The following SUFU variants were observed in gnomAD, a reference collection of about 807,000 sequenced individuals.
The protein encoded by SUFU is SUFU negative regulator of hedgehog signaling.
A neutral mutation model predicts 58.9 loss-of-function variants in SUFU; 7 were observed. The ratio of observed to expected loss-of-function variants is 0.12; its 90% CI spans 0.07 to 0.22. SUFU has a LOEUF of 0.22. SUFU is among the 10% of genes least tolerant of loss of function. SUFU has a pLI of 1.00. For synonymous variants in SUFU, 232 were observed against 254.8 expected, an observed-to-expected ratio of 0.91 and a Z score of 0.85; for missense variants, 451 against 641.3, an observed-to-expected ratio of 0.70 and a Z score of 3.20.
In SUFU at chr10:102,504,136, C is replaced by T. The variant is rs924777892; in HGVS notation, c.-17C>T. The T allele has an allele frequency of 1.3e-6, 2 of 1,537,646 alleles. No homozygotes were observed. On this transcript the variant is annotated 5_prime_UTR_variant, in exon 1 of 12. Coordinates refer to ENST00000369902, the MANE Select transcript of SUFU (RefSeq NM_016169.4). ...TTGCCCTCTCCAGTTCCCCCAGTGCCTGCCCTACGCACCCCGATGGCGGAG... is the reference window on the plus strand; with the variant it reads ...TTGCCCTCTCCAGTTCCCCCAGTGCTTGCCCTACGCACCCCGATGGCGGAG...
At position 102,533,300 on chromosome 10, in the gene SUFU, G is replaced by A. The variant is rs188437494; in HGVS notation, c.318-16670G>A. On this transcript the variant is annotated intron_variant, in intron 2 of 11. Coordinates refer to ENST00000369902, the MANE Select transcript of SUFU (RefSeq NM_016169.4). The stretch of plus-strand genomic sequence containing the variant: ...AAAATCAAGGTGCCAGGCTGGGTGC[G>A]GTGGCTCACACCTGTAATCCCAGCA... Among the ~76,000 whole-genome samples, 518 of 152,108 alleles carry A rather than the reference G, an allele frequency of 3.4e-3. 1 individual carries two copies. The highest frequency in any genetic ancestry group is 0.011 in the African/African-American group (459 of 41,474).
chr10:102,630,311 A>G lies in SUFU; in HGVS notation c.*156A>G. The G allele has an allele frequency of 1.4e-6, 1 of 692,938 alleles. No individual in the cohort carries two copies. The highest frequency in any genetic ancestry group is 2.5e-6 in the Non-Finnish European group (1 of 396,012). 42.9% of individuals were successfully genotyped at this position (692,938 alleles called of 1,614,324 possible). On this transcript the variant is annotated 3_prime_UTR_variant, in exon 12 of 12. Transcript: ENST00000369902. ...CGCAGCCCAGTGGGGTGCCATGCACAGGCCACAGGCCCTCCACCTCACCTC... is the reference window on the plus strand; with the variant it reads ...CGCAGCCCAGTGGGGTGCCATGCACGGGCCACAGGCCCTCCACCTCACCTC...
At chr10:102,576,956 C>T (rs2063217878) in intron 3 of SUFU, among the ~76,000 whole-genome samples, 1 of 152,136 alleles carries the variant, frequency 6.6e-6, no homozygotes, top group East Asian at 1.9e-4. Flanking sequence ...AGCGACCTTC[C>T]TGCCTCAGCT....
At chr10:102,586,531 G>A (rs1264662430) in intron 3 of SUFU, among the ~76,000 whole-genome samples, 1 of 151,984 alleles carries the variant, frequency 6.6e-6, no homozygotes, top group Non-Finnish European at 1.5e-5. Context: ...AAATTAGCCG[G>A]GCATGGTGGC....
At chr10:102,580,037 C>CCCT in intron 3 of SUFU, among the ~76,000 whole-genome samples, 1 of 138,266 alleles carries the variant, frequency 7.2e-6, no homozygotes, top group African/African-American at 2.6e-5. Context: ...GCACCCCCCC[C>CCCT]CCGCCCCCAG....
At chr10:102,528,495 A>C (rs11191318) in intron 2 of SUFU, among the ~76,000 whole-genome samples, 3,058 of 152,254 alleles carry the variant, frequency 0.02, 49 homozygotes, top group Non-Finnish European at 0.031. Context: ...ACTTGAGCCC[A>C]GGAGATCAAG....
At chr10:102,518,782 A>G (rs2062507061) in intron 2 of SUFU, among the ~76,000 whole-genome samples, 1 of 151,852 alleles carries the variant, frequency 6.6e-6, no homozygotes, top group South Asian at 2.1e-4. Context: ...CATGAGCTCA[A>G]GCCATCCCAA....
chr10:102,576,477 A>C (rs1443491080), intron 3 of SUFU, among the ~76,000 whole-genome samples: 2 of 152,096 alleles, frequency 1.3e-5, no homozygotes, highest in East Asian at 3.8e-4. Flanking sequence ...TAATTTAACT[A>C]TTCCCCTGGT....
chr10:102,549,170 C>T (rs909545511), intron 2 of SUFU, among the ~76,000 whole-genome samples: 5 of 152,164 alleles, frequency 3.3e-5, no homozygotes, highest in Non-Finnish European at 7.4e-5. Flanking sequence ...GAAAGGGTCT[C>T]ATCCTCACAG....
In SUFU at chr10:102,630,861, G is replaced by T. The variant is rs1590095895; in HGVS notation, c.*706G>T. 3 of 236,474 alleles carry T rather than the reference G, an allele frequency of 1.3e-5. No homozygotes were observed. In the East Asian group the frequency reaches 1.8e-4, roughly 14 times the overall value. 14.6% of individuals were successfully genotyped at this position (236,474 alleles called of 1,614,324 possible). On this transcript the variant is annotated 3_prime_UTR_variant, in exon 12 of 12. Coordinates refer to ENST00000369902, the MANE Select transcript of SUFU (RefSeq NM_016169.4). Reference sequence around the variant, plus strand: ...CCAGCCCAGAGCCCTGGAGGAGCCGGCTGCACAGAGAGGCTTTTCTTCCCA... The same window carrying T: ...CCAGCCCAGAGCCCTGGAGGAGCCGTCTGCACAGAGAGGCTTTTCTTCCCA...
At chr10:102,528,876 A>G (rs2062642786) in intron 2 of SUFU, among the ~76,000 whole-genome samples, 1 of 152,110 alleles carries the variant, frequency 6.6e-6, no homozygotes, top group African/African-American at 2.4e-5. Context: ...TTGCAACTCA[A>G]AGGTGGCTGC....
rs1482809177 is a variant in SUFU, at chr10:102,568,937, T to TACACAC, written c.454+18832_454+18833insCACACA. Among the ~76,000 whole-genome samples, 116 of 33,296 alleles carry TACACAC rather than the reference T, an allele frequency of 3.5e-3. 3 individuals are homozygous for TACACAC. The highest frequency in any genetic ancestry group is 5.0e-3 in the Non-Finnish European group (84 of 16,664). The allele number at this position is 33,296 out of a possible 152,430, so 21.8% of individuals were successfully genotyped here. A position where few individuals can be genotyped will look rare whatever the true frequency, so the allele number is the denominator to read the frequency against. The stretch of plus-strand genomic sequence containing the variant: ...ATATATATACACATATATATATATA[T>TACACAC]ATATATATATATATATATATATATA... On this transcript the variant is annotated intron_variant, in intron 3 of 11. Coordinates refer to ENST00000369902, the MANE Select transcript of SUFU (RefSeq NM_016169.4).
chr10:102,537,016 G>T (rs971839053), intron 2 of SUFU, among the ~76,000 whole-genome samples: 1 of 152,010 alleles, frequency 6.6e-6, no homozygotes, highest in Non-Finnish European at 1.5e-5. Context: ...TCACTGTGTT[G>T]GCCAGGCTGG....
intron 2 of SUFU, among the ~76,000 whole-genome samples, chr10:102,517,561 G>C (rs2062487051): frequency 6.6e-6 from 1 of 152,078 alleles, no homozygotes; most frequent in East Asian, 1.9e-4. Context: ...TCATGTCCTG[G>C]GTCTGAGTTT....
rs1381473079 is a variant in SUFU at position 102,625,049 on chromosome 10, G to A, written c.1297-2126G>A. Among the ~76,000 whole-genome samples, 1 of 152,214 alleles carries A rather than the reference G, an allele frequency of 6.6e-6. No homozygotes were observed. Among genetic ancestry groups the A allele is most frequent in the Non-Finnish European group, 1.5e-5 (1 of 68,044 alleles). The stretch of plus-strand genomic sequence containing the variant: ...TGTTTGTGCTAGCATTTGCAGAGAT[G>A]GCAACGAGCCCCGGAAATGCCAAAA... On this transcript the variant is annotated intron_variant, in intron 10 of 11. Coordinates refer to ENST00000369902, the MANE Select transcript of SUFU (RefSeq NM_016169.4). The surrounding 1 kb of genome is among the most constrained non-coding windows in gnomAD (Gnocchi z 4.7).
intron 1 of SUFU, among the ~76,000 whole-genome samples, chr10:102,506,610 C>T (rs1839144686): frequency 6.6e-6 from 1 of 152,200 alleles, no homozygotes; most frequent in South Asian, 2.1e-4. Flanking sequence ...AACTCCTGAC[C>T]TCAAGTGATC....
intron 2 of SUFU, among the ~76,000 whole-genome samples, chr10:102,545,062 A>G (rs1590014300): frequency 6.6e-6 from 1 of 151,752 alleles, no homozygotes. Context: ...ACTATGAATA[A>G]TGCTACTATG....
chr10:102,614,891 AAAAAT>A (rs2063668874), intron 8 of SUFU, among the ~76,000 whole-genome samples: 1 of 151,934 alleles, frequency 6.6e-6, no homozygotes. Context: ...AAAAAAAAAA[AAAAAT>A]AGAATGTTGG....
intron 2 of SUFU, among the ~76,000 whole-genome samples, chr10:102,526,398 C>G (rs1209511258): frequency 6.6e-6 from 1 of 151,438 alleles, no homozygotes; most frequent in Non-Finnish European, 1.5e-5. Context: ...ACAAAAAATA[C>G]AAAAATTAGT....
Sources: allele counts gnomAD v4.1 joint callset (sites outside exome capture counted in the v4.1 genomes callset), GRCh38; gene constraint gnomAD v4.1.1; non-coding constraint Gnocchi (gnomAD v3.1); transcripts MANE v1.5; gene names NCBI Gene and HGNC (gene_info 2026-07-23, HGNC 2026-07-21).